PIAS4: variants seen among roughly 807,000 people sequenced by gnomAD.
PIAS4 encodes protein inhibitor of activated STAT 4.
Under a neutral mutation model 58.0 loss-of-function variants are expected in PIAS4, and 7 were observed. That is an observed-to-expected ratio of 0.12 (90% CI 0.07 to 0.23). The LOEUF is 0.23. Ranked by LOEUF, PIAS4 falls within the 10% of genes least tolerant of loss-of-function variation. The pLI, the probability that PIAS4 is intolerant of heterozygous loss-of-function variation, is 1.00. For missense variants in PIAS4, 550 were observed against 709.5 expected (o/e 0.78, Z 2.55); for synonymous variants, 364 against 312.4 (o/e 1.17, Z -1.74).
rs548038536 is a variant in PIAS4 at position 4,033,023 on chromosome 19, C to T, written c.908-77C>T. 1,125 of 1,168,174 alleles carry T rather than the reference C, an allele frequency of 9.6e-4. 3 individuals are homozygous for T. Among genetic ancestry groups the T allele is most frequent in the Non-Finnish European group, 1.3e-3 (1,059 of 788,320 alleles). The allele number at this position is 1,168,174 out of a possible 1,614,324, so 72.4% of individuals were successfully genotyped here. ...TGTTCTGGGAGGTGGACGTCAGTGC[C>T]GGAGAGAACTCGAATCACAGCCCCG... On this transcript the variant is annotated intron_variant, in intron 7 of 10. Coordinates refer to ENST00000262971, the MANE Select transcript of PIAS4 (RefSeq NM_015897.4).
At position 4,013,407 on chromosome 19, in the gene PIAS4, A is replaced by T; in HGVS notation, c.454+58A>T. 7.0e-7 allele frequency: 1 copy of T among 1,437,952 alleles called. No homozygotes were observed. Among genetic ancestry groups the T allele is most frequent in the Non-Finnish European group, 9.6e-7 (1 of 1,046,818 alleles). 89.1% of individuals were successfully genotyped at this position (1,437,952 alleles called of 1,614,324 possible). A position where few individuals can be genotyped will look rare whatever the true frequency, so the allele number is the denominator to read the frequency against. ...AGGCTTCACCTAGGCCCCGTCGCCC[A>T]GCCCAGCCCAGCCACACAGCCGACT... On this transcript the variant is annotated intron_variant, in intron 2 of 10. Coordinates refer to ENST00000262971, the MANE Select transcript of PIAS4 (RefSeq NM_015897.4). This position sits in a 1 kb window ranked among gnomAD's most constrained non-coding sequence, Gnocchi z 5.1.
At position 4,038,665 on chromosome 19, in the gene PIAS4, A is replaced by G. The variant is rs1001005671; in HGVS notation, c.*790A>G. The G allele has an allele frequency of 6.5e-6, 1 of 152,988 alleles. No homozygotes were observed. Among genetic ancestry groups the G allele is most frequent in the Non-Finnish European group, 1.5e-5 (1 of 68,198 alleles). 9.5% of individuals were successfully genotyped at this position (152,988 alleles called of 1,614,324 possible). On this transcript the variant is annotated 3_prime_UTR_variant, in exon 11 of 11. Transcript: ENST00000262971. This position sits in a 1 kb window ranked among gnomAD's most constrained non-coding sequence, Gnocchi z 4.1. ...CTAGCCAGCTACCTCGGTAATTCCAATTCAGGTTAACTTCCCTACGGAACA... is the reference window on the plus strand; with the variant it reads ...CTAGCCAGCTACCTCGGTAATTCCAGTTCAGGTTAACTTCCCTACGGAACA...
rs2040309459 is a variant in PIAS4 at position 4,037,342 on chromosome 19, A to G, written c.1143-32A>G. ...GGAGTTGGGGGGGTGGGGCACCTCC[A>G]GCCCCGGCGTCAGCTGTCCGCCTCG... On this transcript the variant is annotated intron_variant, in intron 9 of 10. Coordinates refer to ENST00000262971, the MANE Select transcript of PIAS4 (RefSeq NM_015897.4). The surrounding 1 kb of genome is among the most constrained non-coding windows in gnomAD (Gnocchi z 5.8). 1.3e-6 allele frequency: 2 copies of G among 1,580,408 alleles called. No individual in the cohort carries two copies. The highest frequency in any genetic ancestry group is 1.7e-5 in the Admixed American group (1 of 57,748).
chr19:4,009,470 C>G (rs548594127), intron 1 of PIAS4, among the ~76,000 whole-genome samples: 1 of 152,226 alleles, frequency 6.6e-6, no homozygotes, highest in African/African-American at 2.4e-5. Context: ...GACCCCAACC[C>G]CCACCCTGGC....
At chr19:4,008,054 C>T (rs993910061) in intron 1 of PIAS4, among the ~76,000 whole-genome samples, 1 of 151,816 alleles carries the variant, frequency 6.6e-6, no homozygotes, top group African/African-American at 2.4e-5. Context: ...CCAGCCCGAG[C>T]CCTTAGGGTC....
At chr19:4,020,421 T>A (rs976795102) in intron 2 of PIAS4, among the ~76,000 whole-genome samples, 1 of 152,094 alleles carries the variant, frequency 6.6e-6, no homozygotes, top group Non-Finnish European at 1.5e-5. Flanking sequence ...CCATCCCTGT[T>A]CTAAAGGGCT....
At chr19:4,035,905 C>T (rs200633204) in intron 9 of PIAS4, among the ~76,000 whole-genome samples, 23 of 127,740 alleles carry the variant, frequency 1.8e-4, no homozygotes, top group East Asian at 5.0e-4. Context: ...ATACAGTCCA[C>T]ACCGTCTCAC....
chr19:4,019,788 C>T (rs1205339897), intron 2 of PIAS4, among the ~76,000 whole-genome samples: 7 of 152,214 alleles, frequency 4.6e-5, no homozygotes. Flanking sequence ...GTGGCAGCCC[C>T]CTCTTCCTGA....
chr19:4,032,751 CAG>C (rs2144937767), intron 7 of PIAS4, among the ~76,000 whole-genome samples: 1 of 152,320 alleles, frequency 6.6e-6, no homozygotes, highest in East Asian at 1.9e-4. Flanking sequence ...GCTTCGGTGA[CAG>C]AATGAAGTCA....
At chr19:4,007,839 GC>G in intron 1 of PIAS4, 52 bp downstream of exon 1, 1 of 1,191,520 alleles carries the variant, frequency 8.4e-7, no homozygotes, top group Non-Finnish European at 1.0e-6. Flanking sequence ...GAGGGCGGGG[GC>G]CGGGCCGCAG....
Position 4,024,353 on chromosome 19 carries a change from G to A in PIAS4, c.539+233G>A, listed in dbSNP as rs117024870. On this transcript the variant is annotated intron_variant, in intron 3 of 10. Transcript: ENST00000262971. ...GCCCTGCAGCCTGCTAGAGAGAGGC[G>A]GACTGACTGTGCCCTTTTAACACGG... 5.9e-4 allele frequency among the ~76,000 whole-genome samples: 90 copies of A among 152,314 alleles called. 2 individuals carry two copies. In the East Asian group the frequency reaches 0.014, roughly 23 times the overall value.
intron 1 of PIAS4, among the ~76,000 whole-genome samples, chr19:4,008,764 T>C (rs2039966641): frequency 6.6e-6 from 1 of 151,702 alleles, no homozygotes; most frequent in Non-Finnish European, 1.5e-5. Context: ...GTCTACTTCT[T>C]AGGTCAGACA....
At chr19:4,033,226 C>G in intron 8 of PIAS4, 53 bp downstream of exon 8, 3 of 1,546,764 alleles carry the variant, frequency 1.9e-6, no homozygotes, top group African/African-American at 2.7e-5. Flanking sequence ...CCGGCCTTCC[C>G]CCCTGGCGGC....
chr19:4,034,949 T>C (rs2040259782), intron 9 of PIAS4, among the ~76,000 whole-genome samples: 1 of 152,230 alleles, frequency 6.6e-6, no homozygotes, highest in African/African-American at 2.4e-5. Flanking sequence ...AGTCTTGTTC[T>C]TGGCCAGGGG....
At chr19:4,011,106 A>C (rs1231196641) in intron 1 of PIAS4, among the ~76,000 whole-genome samples, 6 of 152,226 alleles carry the variant, frequency 3.9e-5, no homozygotes, top group Admixed American at 3.9e-4. Context: ...GCCTCCTGGC[A>C]CGGAGGCTGC....
chr19:4,022,181 A>G (rs1213570935), intron 2 of PIAS4, among the ~76,000 whole-genome samples: 3 of 152,168 alleles, frequency 2.0e-5, no homozygotes, highest in African/African-American at 4.8e-5. Flanking sequence ...TGTCCATGTC[A>G]CTAAGTTGTC....
chr19:4,020,118 A>G (rs1167471876), intron 2 of PIAS4, among the ~76,000 whole-genome samples: 3 of 151,988 alleles, frequency 2.0e-5, no homozygotes, highest in Non-Finnish European at 2.9e-5. Flanking sequence ...GGGTTTCACC[A>G]TGTTAGCCAG....
intron 7 of PIAS4, among the ~76,000 whole-genome samples, chr19:4,032,134 T>A (rs928012086): frequency 6.6e-5 from 10 of 151,228 alleles, no homozygotes; most frequent in African/African-American, 2.2e-4. Context: ...CGGGCAGAGA[T>A]AAGTGGTGTT....
intron 3 of PIAS4, among the ~76,000 whole-genome samples, chr19:4,024,910 C>T (rs1204438290): frequency 2.0e-5 from 3 of 152,070 alleles, no homozygotes; most frequent in Admixed American, 6.6e-5. Context: ...GGATTACAGG[C>T]GCTCACTACC....
Sources: gnomAD v4.1 joint callset for allele counts (sites outside exome capture counted in the v4.1 genomes callset) on GRCh38, gnomAD v4.1.1 for gene constraint, Gnocchi (gnomAD v3.1) non-coding constraint, MANE v1.5 for transcripts, NCBI Gene and HGNC (gene_info 2026-07-23, HGNC 2026-07-21) for gene names.